PDZRN4: variants seen among roughly 807,000 people sequenced by gnomAD.
PDZRN4 encodes the protein PDZ domain containing ring finger 4, also known as PDZ domain-containing RING finger protein 4.
In PDZRN4, 70 loss-of-function variants were observed where a neutral mutation model predicts 99.0. The observed-to-expected ratio is 0.71, with a 90% CI of 0.58 to 0.86. PDZRN4 has a LOEUF of 0.86. Among genes scored for constraint, PDZRN4 ranks in the 40% least tolerant of loss-of-function variants. PDZRN4 has a pLI of 0.00. For missense variants in PDZRN4, 1,474 were observed against 1,331.2 expected (o/e 1.11, Z -1.67); for synonymous variants, 551 against 501.6 (o/e 1.10, Z -1.32).
chr12:41,308,835 A>G (rs945326028), intron 3 of PDZRN4, among the ~76,000 whole-genome samples: 1 of 152,198 alleles, frequency 6.6e-6, no homozygotes, highest in Non-Finnish European at 1.5e-5. Flanking sequence ...TACCTTACAC[A>G]GTATTCTGGG....
intron 3 of PDZRN4, among the ~76,000 whole-genome samples, chr12:41,327,776 ACTG>A (rs1373980719): frequency 6.6e-6 from 1 of 151,842 alleles, no homozygotes; most frequent in Non-Finnish European, 1.5e-5. Flanking sequence ...ATAATGTTAA[ACTG>A]CTCTCTGTAT....
chr12:41,520,068 C>T lies in PDZRN4; in HGVS notation c.1203+10155C>T, dbSNP rs12227540. 7.6e-3 allele frequency among the ~76,000 whole-genome samples: 1,157 copies of T among 152,166 alleles called. 52 individuals carry two copies. In the East Asian group the frequency reaches 0.14, roughly 18 times the overall value. On this transcript the variant is annotated intron_variant, in intron 5 of 9. Coordinates refer to ENST00000402685, the MANE Select transcript of PDZRN4 (RefSeq NM_001164595.2). ...TGTTTTTGTTCTTGCTTTCCTCTGC[C>T]TAGAATATCCCCTCTTCTCTTCCTC...
intron 5 of PDZRN4, among the ~76,000 whole-genome samples, chr12:41,519,245 C>A (rs1338716211): frequency 6.6e-6 from 1 of 152,072 alleles, no homozygotes; most frequent in Non-Finnish European, 1.5e-5. Flanking sequence ...TCCTGTTTAA[C>A]AGCCTCATCA....
At chr12:41,304,366 A>C (rs1256640816) in intron 3 of PDZRN4, among the ~76,000 whole-genome samples, 6 of 152,184 alleles carry the variant, frequency 3.9e-5, no homozygotes, top group African/African-American at 1.2e-4. Context: ...AAAACTAAAA[A>C]TAAACCTTGA....
intron 3 of PDZRN4, among the ~76,000 whole-genome samples, chr12:41,424,424 A>C (rs1405424138): frequency 1.3e-5 from 2 of 152,192 alleles, no homozygotes; most frequent in Non-Finnish European, 2.9e-5. Context: ...TGGTGTGTAG[A>C]GAAACTTAAC....
intron 3 of PDZRN4, among the ~76,000 whole-genome samples, chr12:41,367,155 C>G (rs1373619625): frequency 2.6e-5 from 4 of 152,076 alleles, no homozygotes; most frequent in African/African-American, 4.8e-5. Flanking sequence ...CTTACAAGGC[C>G]TGAAATAGGA....
chr12:41,188,388 G>T lies in PDZRN4; in HGVS notation c.-68G>T. 7.1e-7 allele frequency: 1 copy of T among 1,401,432 alleles called. No individual in the cohort carries two copies. Among genetic ancestry groups the T allele is most frequent in the Non-Finnish European group, 9.4e-7 (1 of 1,068,416 alleles). The allele number at this position is 1,401,432 out of a possible 1,614,324, so 86.8% of individuals were successfully genotyped here. A position where few individuals can be genotyped will look rare whatever the true frequency, so the allele number is the denominator to read the frequency against. ...GAGACGGCTGCCCCGGGGGTGGCCC[G>T]GGGAAGGCAGGGGGGCTCGGAGAAG... On this transcript the variant is annotated 5_prime_UTR_variant, in exon 1 of 10. Coordinates refer to ENST00000402685, the MANE Select transcript of PDZRN4 (RefSeq NM_001164595.2).
Position 41,535,785 on chromosome 12 carries a change from G to A in PDZRN4, c.1204-16871G>A, listed in dbSNP as rs12828934. On this transcript the variant is annotated intron_variant, in intron 5 of 9. Transcript: ENST00000402685. ...TTTGCCCTCTCTTTGCCCTTCCACC[G>A]TGGGATGATGCAACATGAGGTTCTT... 6.0e-3 allele frequency among the ~76,000 whole-genome samples: 910 copies of A among 152,220 alleles called. 9 individuals carry two copies. The highest frequency in any genetic ancestry group is 0.011 in the Non-Finnish European group (728 of 68,012).
intron 3 of PDZRN4, among the ~76,000 whole-genome samples, chr12:41,361,082 A>G (rs1296728560): frequency 6.6e-6 from 1 of 152,016 alleles, no homozygotes; most frequent in Non-Finnish European, 1.5e-5. Flanking sequence ...CTTTGCCTTT[A>G]CAGCATGGAT....
chr12:41,270,300 TCTGTGTGTGTG>T (rs1336846868), intron 3 of PDZRN4, among the ~76,000 whole-genome samples: 1 of 147,582 alleles, frequency 6.8e-6, no homozygotes. Context: ...TGTGTGTGTG[TCTGTGTGTGTG>T]GTGTGTGTGT....
intron 6 of PDZRN4, among the ~76,000 whole-genome samples, chr12:41,553,383 G>T (rs183910587): frequency 2.0e-5 from 3 of 152,138 alleles, no homozygotes; most frequent in African/African-American, 4.8e-5. Flanking sequence ...TTTAAAACTC[G>T]CAAAAAGCAT....
intron 3 of PDZRN4, among the ~76,000 whole-genome samples, chr12:41,292,960 C>T (rs73122831): frequency 0.083 from 12,522 of 151,368 alleles, 927 homozygotes; most frequent in African/African-American, 0.21. Flanking sequence ...TTCTGAGATA[C>T]GGCTAGGAAT....
At chr12:41,451,367 T>C (rs12298084) in intron 3 of PDZRN4, among the ~76,000 whole-genome samples, 14,605 of 152,212 alleles carry the variant, frequency 0.096, 689 homozygotes, top group Non-Finnish European at 0.11. Context: ...AGGTATTAAA[T>C]AGAGTCTGTG....
intron 3 of PDZRN4, among the ~76,000 whole-genome samples, chr12:41,427,559 C>T (rs1272850814): frequency 1.3e-5 from 2 of 152,112 alleles, no homozygotes; most frequent in Non-Finnish European, 2.9e-5. Context: ...CATCCGAATA[C>T]ATGCTCATTC....
At chr12:41,285,675 T>C (rs1002775778) in intron 3 of PDZRN4, among the ~76,000 whole-genome samples, 1 of 152,084 alleles carries the variant, frequency 6.6e-6, no homozygotes, top group Non-Finnish European at 1.5e-5. Flanking sequence ...TATGCAGCCA[T>C]AAAAAATGAG....
At chr12:41,556,165 T>C (rs1332670030) in intron 7 of PDZRN4, among the ~76,000 whole-genome samples, 2 of 152,244 alleles carry the variant, frequency 1.3e-5, no homozygotes, top group African/African-American at 4.8e-5. Flanking sequence ...TTAATAAATA[T>C]TAATGGCTAT....
chr12:41,330,546 A>G (rs956706949), intron 3 of PDZRN4, among the ~76,000 whole-genome samples: 1 of 151,796 alleles, frequency 6.6e-6, no homozygotes, highest in African/African-American at 2.4e-5. Flanking sequence ...TACCTATTCC[A>G]TAAAGCTCAT....
At chr12:41,488,147 A>G (rs551232209) in intron 3 of PDZRN4, among the ~76,000 whole-genome samples, 4 of 152,284 alleles carry the variant, frequency 2.6e-5, no homozygotes, top group South Asian at 4.1e-4. Flanking sequence ...GTGCAAAACT[A>G]TACTCTGCCA....
At chr12:41,406,208 A>C (rs958757885) in intron 3 of PDZRN4, among the ~76,000 whole-genome samples, 1 of 152,218 alleles carries the variant, frequency 6.6e-6, no homozygotes, top group African/African-American at 2.4e-5. Flanking sequence ...GTACTAGATA[A>C]GTCTAACAAG....
Sources: allele counts gnomAD v4.1 joint callset (sites outside exome capture counted in the v4.1 genomes callset), GRCh38; gene constraint gnomAD v4.1.1; transcripts MANE v1.5; gene names NCBI Gene and HGNC (gene_info 2026-07-23, HGNC 2026-07-21).